Variants in NCK2 observed in about 807,000 individuals in gnomAD.
NCK2 encodes NCK adaptor protein 2.
NCK2 carries 16 observed loss-of-function variants against 33.9 expected under a neutral mutation model. The observed-to-expected ratio is 0.47, with a 90% CI of 0.32 to 0.72. The LOEUF is 0.72. NCK2 is among the 30% of genes least tolerant of loss of function. The probability of loss-of-function intolerance (pLI) is 0.03; values close to 1 mark genes in which losing one functional copy is unlikely to be tolerated. For synonymous variants in NCK2, 273 were observed against 239.9 expected, an observed-to-expected ratio of 1.14 and a Z score of -1.27; for missense variants, 418 against 537.3, an observed-to-expected ratio of 0.78 and a Z score of 2.19.
intron 3 of NCK2, among the ~76,000 whole-genome samples, chr2:105,861,938 G>T (rs1327157695): frequency 5.9e-5 from 3 of 50,864 alleles, no homozygotes; most frequent in Non-Finnish European, 7.4e-5. Flanking sequence ...CCTCCCTCCT[G>T]CCCGCTCCCC....
At chr2:105,874,153 G>GT (rs1678146046) in intron 3 of NCK2, among the ~76,000 whole-genome samples, 2 of 152,292 alleles carry the variant, frequency 1.3e-5, no homozygotes, top group South Asian at 2.1e-4. Flanking sequence ...GTGAATTTGA[G>GT]TTTTTTCCCT....
Position 105,786,300 on chromosome 2 carries a change from A to G in NCK2, c.-200-30130A>G, listed in dbSNP as rs550963696. ...AGTGATCATTAGCTGAGCATGTGCT[A>G]TGTGCCAGGCCTGGCTCTGAGCACG... On this transcript the variant is annotated intron_variant, in intron 1 of 4. Coordinates refer to ENST00000233154, the MANE Select transcript of NCK2 (RefSeq NM_003581.5). Among the ~76,000 whole-genome samples the G allele has an allele frequency of 9.2e-5, 14 of 152,384 alleles. No homozygotes were observed. The South Asian group carries it at 2.9e-3, about 32-fold the overall frequency.
chr2:105,862,375 G>A (rs1188977452), intron 3 of NCK2, among the ~76,000 whole-genome samples: 1 of 152,134 alleles, frequency 6.6e-6, no homozygotes, highest in Non-Finnish European at 1.5e-5. Context: ...CAGTTCATAT[G>A]AAAATATGTA....
intron 1 of NCK2, among the ~76,000 whole-genome samples, chr2:105,778,639 C>T (rs1038741346): frequency 1.3e-5 from 2 of 152,216 alleles, no homozygotes; most frequent in Non-Finnish European, 2.9e-5. Flanking sequence ...CTGCACATTC[C>T]TCCTTAGGCT....
At chr2:105,782,075 G>C (rs886660447) in intron 1 of NCK2, among the ~76,000 whole-genome samples, 3 of 152,192 alleles carry the variant, frequency 2.0e-5, no homozygotes, top group Non-Finnish European at 2.9e-5. Context: ...TCCCAGGTTT[G>C]AGGTCCATTC....
chr2:105,773,842 C>G (rs1690214467), intron 1 of NCK2, among the ~76,000 whole-genome samples: 1 of 152,072 alleles, frequency 6.6e-6, no homozygotes, highest in South Asian at 2.1e-4. Context: ...GGACTGTTGT[C>G]TTTTGTTCTT....
intron 1 of NCK2, among the ~76,000 whole-genome samples, chr2:105,807,792 T>TCCCTCCCTTCCCTCTATCC (rs1675126728): frequency 1.6e-4 from 1 of 6,202 alleles, no homozygotes; most frequent in East Asian, 7.1e-3. Flanking sequence ...CCCTTCTCTC[T>TCCCTCCCTTCCCTCTATCC]CTCCCTCCCT....
intron 1 of NCK2, among the ~76,000 whole-genome samples, chr2:105,813,001 C>T (rs1490319921): frequency 2.6e-5 from 4 of 152,116 alleles, no homozygotes; most frequent in Admixed American, 6.5e-5. Flanking sequence ...TCAGCAGATG[C>T]GATTTGCAGA....
intron 1 of NCK2, among the ~76,000 whole-genome samples, chr2:105,777,242 G>A (rs553398230): frequency 5.7e-4 from 87 of 152,206 alleles, no homozygotes; most frequent in Non-Finnish European, 1.1e-3. Flanking sequence ...GCCACGAGCC[G>A]GGGTGTTGCG....
chr2:105,889,246 T>C (rs543509935), intron 4 of NCK2, among the ~76,000 whole-genome samples: 5 of 152,316 alleles, frequency 3.3e-5, no homozygotes, highest in South Asian at 2.1e-4. Context: ...CAGGGGAAAT[T>C]CCCTATGAGA....
chr2:105,773,545 C>T (rs1217560145), intron 1 of NCK2, among the ~76,000 whole-genome samples: 1 of 152,122 alleles, frequency 6.6e-6, no homozygotes, highest in Non-Finnish European at 1.5e-5. Context: ...GTGCTTCATA[C>T]TTCATGTCTT....
At chr2:105,870,732 C>T (rs1235803976) in intron 3 of NCK2, among the ~76,000 whole-genome samples, 1 of 151,368 alleles carries the variant, frequency 6.6e-6, no homozygotes, top group Non-Finnish European at 1.5e-5. Flanking sequence ...GCCTGGGTGA[C>T]ACAGTGAGAC....
At chr2:105,832,855 T>C (rs116368977) in intron 2 of NCK2, among the ~76,000 whole-genome samples, 2,079 of 151,978 alleles carry the variant, frequency 0.014, 48 homozygotes, top group African/African-American at 0.047. Flanking sequence ...TCTTTTTTTT[T>C]TTTATTTTGT....
intron 1 of NCK2, among the ~76,000 whole-genome samples, chr2:105,803,652 T>TCA (rs1411256247): frequency 1.3e-5 from 2 of 152,200 alleles, no homozygotes; most frequent in Non-Finnish European, 2.9e-5. Flanking sequence ...ATTGCCAGCT[T>TCA]CACACCCAGG....
At chr2:105,824,376 T>C (rs1444640007) in intron 2 of NCK2, among the ~76,000 whole-genome samples, 1 of 152,202 alleles carries the variant, frequency 6.6e-6, no homozygotes, top group Non-Finnish European at 1.5e-5. Context: ...AATATGCCAC[T>C]TATGATCTTA....
chr2:105,809,088 G>A (rs1272564342), intron 1 of NCK2, among the ~76,000 whole-genome samples: 2 of 152,208 alleles, frequency 1.3e-5, no homozygotes, highest in Admixed American at 6.5e-5. Flanking sequence ...CTTAAACTGG[G>A]TTTTGAAGAA....
chr2:105,857,047 T>TTTTTTTTTTTA (rs1553460690), intron 3 of NCK2: 4 of 130,790 alleles, frequency 3.1e-5, no homozygotes, highest in Admixed American at 7.6e-5. Context: ...TTTTTTTTTT[T>TTTTTTTTTTTA]TTGTATTTAC....
intron 3 of NCK2, among the ~76,000 whole-genome samples, chr2:105,870,735 A>G (rs188176445): frequency 6.6e-6 from 1 of 151,108 alleles, no homozygotes; most frequent in East Asian, 2.0e-4. Context: ...TGGGTGACAC[A>G]GTGAGACCCT....
intron 2 of NCK2, among the ~76,000 whole-genome samples, chr2:105,835,030 A>G (rs980344575): frequency 6.6e-6 from 1 of 152,048 alleles, no homozygotes; most frequent in Admixed American, 6.6e-5. Context: ...TAACTATGTT[A>G]AGTATTTTCT....
Sources: gnomAD v4.1 joint callset for allele counts (sites outside exome capture counted in the v4.1 genomes callset) on GRCh38, gnomAD v4.1.1 for gene constraint, MANE v1.5 for transcripts, NCBI Gene and HGNC (gene_info 2026-07-23, HGNC 2026-07-21) for gene names.